Variants in PDCD11 observed in about 807,000 individuals in gnomAD.
The protein encoded by PDCD11 is protein RRP5 homolog.
A neutral mutation model predicts 198.9 loss-of-function variants in PDCD11; 97 were observed. That is an observed-to-expected ratio of 0.49 (90% confidence interval 0.41 to 0.58). The LOEUF is 0.58. Ranked by LOEUF, PDCD11 falls within the 20% of genes least tolerant of loss-of-function variation. The probability of loss-of-function intolerance (pLI) is 0.00; values close to 1 mark genes in which losing one functional copy is unlikely to be tolerated. For missense variants in PDCD11, 2,102 were observed against 2,312.7 expected (o/e 0.91, Z 1.87); for synonymous variants, 893 against 918.0 (o/e 0.97, Z 0.49).
Position 103,445,744 on chromosome 10 carries a change from A to T in PDCD11, c.*195A>T. 1.8e-6 allele frequency: 1 copy of T among 560,388 alleles called. No homozygotes were observed. The highest frequency in any genetic ancestry group is 3.2e-6 in the Non-Finnish European group (1 of 315,288). The allele number at this position is 560,388 out of a possible 1,614,324, so 34.7% of individuals were successfully genotyped here. A position where few individuals can be genotyped will look rare whatever the true frequency, so the allele number is the denominator to read the frequency against. Reference sequence around the variant, plus strand: ...ATCCCTCTTCGCTTGCTTTATTTTCAGTACCAACTTGTTATCTTTTTCCTT... The same window carrying T: ...ATCCCTCTTCGCTTGCTTTATTTTCTGTACCAACTTGTTATCTTTTTCCTT... On this transcript the variant is annotated 3_prime_UTR_variant, in exon 36 of 36. Transcript: ENST00000369797.
chr10:103,419,315 G>A (rs941301193), intron 15 of PDCD11, among the ~76,000 whole-genome samples: 9 of 152,120 alleles, frequency 5.9e-5, no homozygotes, highest in Non-Finnish European at 1.5e-5. Context: ...AGATGGCTGG[G>A]CCACACCAAA....
chr10:103,418,239 G>A (rs2031225063), intron 14 of PDCD11, among the ~76,000 whole-genome samples: 1 of 152,160 alleles, frequency 6.6e-6, no homozygotes, highest in South Asian at 2.1e-4. Flanking sequence ...AGAGGAGTGC[G>A]ATGGGTCCAC....
At chr10:103,407,724 T>C (rs1404714804) in intron 7 of PDCD11, among the ~76,000 whole-genome samples, 6 of 151,902 alleles carry the variant, frequency 3.9e-5, no homozygotes, top group Admixed American at 1.3e-4. Flanking sequence ...AGCATGACTT[T>C]CTTTTTTTTT....
intron 20 of PDCD11, among the ~76,000 whole-genome samples, chr10:103,426,492 A>G (rs1316869785): frequency 6.6e-6 from 1 of 152,176 alleles, no homozygotes; most frequent in Non-Finnish European, 1.5e-5. Flanking sequence ...AGGATCTGAT[A>G]TGACAATCCT....
chr10:103,410,181 G>A (rs546357551), intron 8 of PDCD11, among the ~76,000 whole-genome samples: 3 of 151,782 alleles, frequency 2.0e-5, no homozygotes, highest in Middle Eastern at 3.4e-3. Context: ...GTTGCAGTGA[G>A]CTGAGATCGT....
At chr10:103,407,278 C>T (rs1396755217) in intron 7 of PDCD11, among the ~76,000 whole-genome samples, 2 of 151,988 alleles carry the variant, frequency 1.3e-5, no homozygotes, top group African/African-American at 2.4e-5. Flanking sequence ...AGATTTTGGT[C>T]TCTCTTTTTT....
Position 103,434,338 on chromosome 10 carries a change from C to G in PDCD11, c.3655C>G (p.Leu1219Val). ...AGATTCCTCCAAGACCCTCTTATGT[C>G]TGTCCCTCACAGGTGTGGGGATGAA... is the stretch of plus-strand genomic sequence containing the variant. ...GPDSSKTLLC[L>V]SLTGPHKLEE... Residue 1219 changes from leucine (L) to valine (V), a missense_variant, in exon 24 of 36, where the codon CTG becomes GTG. Physicochemically the swap from Leu to Val is conservative, Grantham distance 32. Coordinates refer to ENST00000369797, the MANE Select transcript of PDCD11 (RefSeq NM_014976.2). 1 of 1,605,900 alleles carries G rather than the reference C, an allele frequency of 6.2e-7. No homozygotes were observed. The highest frequency in any genetic ancestry group is 8.5e-7 in the Non-Finnish European group (1 of 1,172,576).
intron 26 of PDCD11, 118 bp from the exon 27 acceptor site, chr10:103,438,568 C>A: frequency 7.3e-7 from 1 of 1,362,566 alleles, no homozygotes; most frequent in Non-Finnish European, 1.0e-6. Flanking sequence ...AGGTTATATC[C>A]TGCTGACAGG....
intron 27 of PDCD11, among the ~76,000 whole-genome samples, chr10:103,439,126 G>T (rs1338835100): frequency 6.6e-6 from 1 of 152,036 alleles, no homozygotes; most frequent in Non-Finnish European, 1.5e-5. Flanking sequence ...TGCTTTGAAG[G>T]CCAGGAGTTC....
At position 103,444,679 on chromosome 10, in the gene PDCD11, T is replaced by G; in HGVS notation, c.5441T>G (p.Val1814Gly). 1.9e-6 allele frequency: 3 copies of G among 1,613,548 alleles called. No homozygotes were observed. The highest frequency in any genetic ancestry group is 1.7e-5 in the Admixed American group (1 of 60,024). Residue 1814 changes from valine to glycine, a missense_variant, in exon 35 of 36, where the codon GTC (valine) becomes GGC (glycine). By Grantham distance (109) the Val-to-Gly change is moderately radical. Coordinates refer to ENST00000369797, the MANE Select transcript of PDCD11 (RefSeq NM_014976.2). Reference sequence around the variant, plus strand: ...ATCAAGCACGGCAGCCAGAAGGACGTCCGGTGAGTGGGGCAGCTGGCCAAG... The same window carrying G: ...ATCAAGCACGGCAGCCAGAAGGACGGCCGGTGAGTGGGGCAGCTGGCCAAG... ...MTIKHGSQKDVRDIFERVIHL... is the reference protein window; with the variant it reads ...MTIKHGSQKDGRDIFERVIHL...
At chr10:103,409,953 A>C in intron 8 of PDCD11, 147 bp downstream of exon 8, 1 of 635,476 alleles carries the variant, frequency 1.6e-6, no homozygotes, top group Non-Finnish European at 2.8e-6. Context: ...AGTGTTATGG[A>C]GGCCAGATGC....
rs1564768457 is a variant in PDCD11 at position 103,423,085 on chromosome 10, T to C, written c.2595T>C (p.Ser865=). The change falls in exon 18 of 36, where the codon AGT becomes AGC. Residue 865 remains serine (S), a synonymous_variant. Coordinates refer to ENST00000369797, the MANE Select transcript of PDCD11 (RefSeq NM_014976.2). ...EVLEDGSVVF[S]GGPVPDLVLK... is the part of the protein sequence containing the mutation. ...TGGAAGATGGCTCTGTGGTATTCAGTGGGGGTCCAGTGCCCGACCTGGTCC... is the reference window on the plus strand; with the variant it reads ...TGGAAGATGGCTCTGTGGTATTCAGCGGGGGTCCAGTGCCCGACCTGGTCC... The C allele has an allele frequency of 6.2e-7, 1 of 1,605,850 alleles. No individual in the cohort carries two copies. Among genetic ancestry groups the C allele is most frequent in the East Asian group, 2.3e-5 (1 of 44,384 alleles).
chr10:103,433,774 A>AG (rs904367350), intron 22 of PDCD11, among the ~76,000 whole-genome samples, 174 bp from the exon 23 acceptor site: 6 of 152,124 alleles, frequency 3.9e-5, no homozygotes, highest in African/African-American at 1.4e-4. Context: ...CTGGAGTCTG[A>AG]GGGAAGCTGG....
chr10:103,435,012 G>A, intron 25 of PDCD11, 37 bp downstream of exon 25: 2 of 1,380,806 alleles, frequency 1.4e-6, no homozygotes, highest in South Asian at 1.8e-5. Context: ...ACCTGTCTGT[G>A]GAATTGGTAT....
At chr10:103,435,088 A>C in intron 25 of PDCD11, 113 bp downstream of exon 25, 3 of 751,138 alleles carry the variant, frequency 4.0e-6, no homozygotes, top group Non-Finnish European at 5.7e-6. Flanking sequence ...TGAAATAGAA[A>C]ATGAAAATTT....
intron 12 of PDCD11, 52 bp downstream of exon 12, chr10:103,415,203 G>C: frequency 6.3e-7 from 1 of 1,589,494 alleles, no homozygotes; most frequent in Non-Finnish European, 8.6e-7. Flanking sequence ...GAAGAAAGCA[G>C]TTCTCAACTG....
Position 103,416,594 on chromosome 10 carries a change from C to T in PDCD11, c.1622C>T (p.Pro541Leu). 2 of 1,614,212 alleles carry T rather than the reference C, an allele frequency of 1.2e-6. No individual in the cohort carries two copies. The highest frequency in any genetic ancestry group is 1.7e-6 in the Non-Finnish European group (2 of 1,180,044). Residue 541 changes from proline to leucine, a missense_variant, in exon 13 of 36, where the codon CCT (proline) becomes CTT (leucine). Physicochemically the swap from Pro to Leu is moderately conservative, Grantham distance 98 (BLOSUM62 -3). Coordinates refer to ENST00000369797, the MANE Select transcript of PDCD11 (RefSeq NM_014976.2). ...PVITCYADAK[P>L]GLQTHGFIIR... ...ATTACCTGCTATGCCGATGCCAAGC[C>T]TGGTCTGCAGACACATGGCTTCATC...
chr10:103,433,052 C>G (rs183052278), intron 22 of PDCD11, among the ~76,000 whole-genome samples: 1 of 152,146 alleles, frequency 6.6e-6, no homozygotes, highest in Non-Finnish European at 1.5e-5. Flanking sequence ...ATGTTGCTTG[C>G]TGTTGTAGTT....
chr10:103,433,219 G>A (rs1346224843), intron 22 of PDCD11, among the ~76,000 whole-genome samples: 1 of 152,192 alleles, frequency 6.6e-6, no homozygotes, highest in Non-Finnish European at 1.5e-5. Flanking sequence ...TTACGGCCAG[G>A]TGTGGTGGTT....
Sources: allele counts gnomAD v4.1 joint callset (sites outside exome capture counted in the v4.1 genomes callset), GRCh38; gene constraint gnomAD v4.1.1; transcripts MANE v1.5; gene names NCBI Gene and HGNC (gene_info 2026-07-23, HGNC 2026-07-21).